Variants in NEGR1 observed in about 807,000 individuals in gnomAD.
The protein encoded by NEGR1 is IgLON family member 4.
Under a neutral mutation model 40.9 loss-of-function variants are expected in NEGR1, and 10 were observed. The ratio of observed to expected loss-of-function variants is 0.24; its 90% CI spans 0.15 to 0.42. NEGR1 has a LOEUF of 0.42. Among genes scored for constraint, NEGR1 ranks in the 10% least tolerant of loss-of-function variants. The pLI, the probability that NEGR1 is intolerant of heterozygous loss-of-function variation, is 1.00. For synonymous variants in NEGR1, 185 were observed against 166.8 expected (o/e 1.11, Z -0.84); for missense variants, 352 against 438.9 (o/e 0.80, Z 1.77).
intron 1 of NEGR1, among the ~76,000 whole-genome samples, chr1:72,138,897 T>C (rs1216274635): frequency 3.3e-5 from 5 of 151,994 alleles, no homozygotes; most frequent in Non-Finnish European, 7.4e-5. Context: ...CAGCATGCTG[T>C]ACATTCTTTC....
intron 1 of NEGR1, among the ~76,000 whole-genome samples, chr1:72,114,710 T>G (rs2100276308): frequency 6.6e-6 from 1 of 151,892 alleles, no homozygotes; most frequent in East Asian, 1.9e-4. Context: ...TTGGAACACA[T>G]TCCGGAAACC....
intron 1 of NEGR1, among the ~76,000 whole-genome samples, chr1:71,989,817 G>A (rs761263583): frequency 6.6e-6 from 1 of 152,044 alleles, no homozygotes; most frequent in African/African-American, 2.4e-5. Context: ...TCACATTTGT[G>A]ACTCTCTCAG....
At chr1:72,225,462 T>C (rs1189777624) in intron 1 of NEGR1, among the ~76,000 whole-genome samples, 2 of 151,750 alleles carry the variant, frequency 1.3e-5, no homozygotes, top group African/African-American at 4.8e-5. Flanking sequence ...ACATAAAAAT[T>C]ATTTTTCAAT....
intron 2 of NEGR1, among the ~76,000 whole-genome samples, chr1:71,797,088 C>T (rs576605702): frequency 2.6e-5 from 4 of 152,078 alleles, no homozygotes; most frequent in Non-Finnish European, 5.9e-5. Flanking sequence ...GAAAGACAGA[C>T]GGGAATGCCA....
intron 2 of NEGR1, among the ~76,000 whole-genome samples, chr1:71,866,645 A>C (rs1441546077): frequency 2.0e-5 from 3 of 152,182 alleles, no homozygotes; most frequent in Admixed American, 1.3e-4. Flanking sequence ...TAGTAATTCC[A>C]TCAACATTAC....
chr1:72,113,888 T>A (rs2100274538), intron 1 of NEGR1, among the ~76,000 whole-genome samples: 1 of 151,858 alleles, frequency 6.6e-6, no homozygotes, highest in Middle Eastern at 3.4e-3. Context: ...CACAGACTGC[T>A]TTATCAATCA....
At chr1:71,810,927 C>T (rs918468670) in intron 2 of NEGR1, among the ~76,000 whole-genome samples, 6 of 152,220 alleles carry the variant, frequency 3.9e-5, no homozygotes, top group South Asian at 2.1e-4. Flanking sequence ...TTTATAGCAG[C>T]GCAAGAATGG....
intron 1 of NEGR1, among the ~76,000 whole-genome samples, chr1:72,242,870 T>A (rs765960283): frequency 1.2e-4 from 18 of 151,642 alleles, no homozygotes; most frequent in Non-Finnish European, 2.2e-4. Context: ...CCCTGCACTA[T>A]AGCATAGTGT....
intron 4 of NEGR1, among the ~76,000 whole-genome samples, chr1:71,616,078 A>G (rs953239084): frequency 1.3e-5 from 2 of 152,206 alleles, no homozygotes; most frequent in Admixed American, 6.5e-5. Context: ...GGGTACAGAC[A>G]TGTCTGATAA....
chr1:71,455,113 C>T (rs1400588510), intron 6 of NEGR1, among the ~76,000 whole-genome samples: 1 of 152,148 alleles, frequency 6.6e-6, no homozygotes, highest in African/African-American at 2.4e-5. Context: ...AAGATGCCAT[C>T]CATTATTTTC....
At chr1:71,571,198 T>C (rs943145904) in intron 6 of NEGR1, among the ~76,000 whole-genome samples, 1 of 152,190 alleles carries the variant, frequency 6.6e-6, no homozygotes, top group Non-Finnish European at 1.5e-5. Flanking sequence ...TGAATATATT[T>C]TGGGACAGAC....
intron 2 of NEGR1, among the ~76,000 whole-genome samples, chr1:71,872,125 T>A (rs536986127): frequency 6.6e-6 from 1 of 152,298 alleles, no homozygotes; most frequent in East Asian, 1.9e-4. Context: ...GTCCATTCAA[T>A]TGCTTAAAAG....
At chr1:71,561,195 T>G (rs551487166) in intron 6 of NEGR1, among the ~76,000 whole-genome samples, 2 of 151,678 alleles carry the variant, frequency 1.3e-5, no homozygotes, top group African/African-American at 4.8e-5. Flanking sequence ...CAAGGAAGTT[T>G]GAGAAGCTTA....
At chr1:71,806,896 T>C (rs1340940384) in intron 2 of NEGR1, among the ~76,000 whole-genome samples, 1 of 143,694 alleles carries the variant, frequency 7.0e-6, no homozygotes, top group Non-Finnish European at 1.5e-5. Flanking sequence ...CTGTTTTTTT[T>C]TGTTTTTTTT....
At chr1:71,555,345 A>C (rs141035071) in intron 6 of NEGR1, among the ~76,000 whole-genome samples, 2,859 of 151,658 alleles carry the variant, frequency 0.019, 44 homozygotes, top group Non-Finnish European at 0.027. Context: ...GTTGGGAGAG[A>C]GGACTGGGAG....
rs143208388 is a variant in NEGR1 at position 71,622,732 on chromosome 1, G to A, written c.668-11586C>T. ...GAAGTCAATCAATTGAAAAAGTAAT[G>A]GCAGTAAATATACATGGGGTAATAG... On this transcript the variant is annotated intron_variant, in intron 4 of 6. Transcript: ENST00000357731. 5.9e-3 allele frequency among the ~76,000 whole-genome samples: 889 copies of A among 151,796 alleles called. 9 individuals are homozygous for A. Among genetic ancestry groups the A allele is most frequent in the African/African-American group, 0.02 (810 of 41,450 alleles).
At chr1:72,011,001 A>G (rs1455924321) in intron 1 of NEGR1, among the ~76,000 whole-genome samples, 1 of 152,192 alleles carries the variant, frequency 6.6e-6, no homozygotes, top group Non-Finnish European at 1.5e-5. Context: ...AGGTGATGCC[A>G]TAAGAATAAC....
At chr1:71,635,731 A>G (rs1428211346) in intron 4 of NEGR1, among the ~76,000 whole-genome samples, 1 of 152,050 alleles carries the variant, frequency 6.6e-6, no homozygotes, top group South Asian at 2.1e-4. Flanking sequence ...AAATGAAGAG[A>G]TATGTAGAAT....
At chr1:72,233,762 T>C (rs1654458459) in intron 1 of NEGR1, among the ~76,000 whole-genome samples, 1 of 152,066 alleles carries the variant, frequency 6.6e-6, no homozygotes, top group Admixed American at 6.6e-5. Context: ...CATATAAATG[T>C]GAGTGTCTTT....
Sources: allele counts gnomAD v4.1 joint callset (sites outside exome capture counted in the v4.1 genomes callset), GRCh38; gene constraint gnomAD v4.1.1; transcripts MANE v1.5; gene names NCBI Gene and HGNC (gene_info 2026-07-23, HGNC 2026-07-21).